LRRIQ3: variants seen among roughly 807,000 people sequenced by gnomAD.
LRRIQ3 encodes leucine-rich repeat and IQ domain-containing protein 3.
A neutral mutation model predicts 59.3 loss-of-function variants in LRRIQ3; 75 were observed. The observed-to-expected ratio is 1.26, with a 90% confidence interval of 1.05 to 1.53. The LOEUF (loss-of-function observed/expected upper bound fraction) is 1.53. Ranked by LOEUF, LRRIQ3 falls within the 40% of genes most tolerant of loss-of-function variation. The pLI is 0.00. For missense variants in LRRIQ3, 831 were observed against 710.0 expected (o/e 1.17, Z -1.94); for synonymous variants, 250 against 231.3 (o/e 1.08, Z -0.73).
chr1:74,181,561 C>A (rs1191546431), intron 3 of LRRIQ3: 1 of 151,714 alleles, frequency 6.6e-6, no homozygotes, highest in African/African-American at 2.4e-5. Flanking sequence ...TTTCATTATG[C>A]CATACTACGC....
At chr1:74,184,358 T>C (rs1650217116) in intron 1 of LRRIQ3, among the ~76,000 whole-genome samples, 1 of 152,142 alleles carries the variant, frequency 6.6e-6, no homozygotes, top group Admixed American at 6.5e-5. Context: ...CTCATATATG[T>C]GAATTTTCAC....
chr1:74,053,170 C>A (rs1654419227), intron 6 of LRRIQ3, among the ~76,000 whole-genome samples: 1 of 91,318 alleles, frequency 1.1e-5, no homozygotes. Flanking sequence ...ACCGGTCCTC[C>A]ACATGCCAAA....
At chr1:74,108,915 T>C (rs997445580) in intron 5 of LRRIQ3, 4 of 409,318 alleles carry the variant, frequency 9.8e-6, no homozygotes, top group African/African-American at 2.1e-5. Flanking sequence ...ATAAGTTACA[T>C]ACCACTTGCA....
At chr1:74,031,356 C>T (rs555837697) in intron 7 of LRRIQ3, among the ~76,000 whole-genome samples, 2 of 152,252 alleles carry the variant, frequency 1.3e-5, no homozygotes, top group South Asian at 4.1e-4. Context: ...AGACTTGGAA[C>T]TAACCCAGAT....
intron 5 of LRRIQ3, among the ~76,000 whole-genome samples, chr1:74,094,789 T>A (rs888146471): frequency 1.3e-5 from 2 of 152,068 alleles, no homozygotes; most frequent in Admixed American, 1.3e-4. Flanking sequence ...CAACCAGAAA[T>A]GATGGAATTT....
At chr1:74,043,301 G>T (rs1345982692) in intron 6 of LRRIQ3, among the ~76,000 whole-genome samples, 1 of 152,038 alleles carries the variant, frequency 6.6e-6, no homozygotes, top group African/African-American at 2.4e-5. Flanking sequence ...AAATTACCTT[G>T]TCTTTATGTG....
chr1:74,106,808 C>T (rs570290179), intron 5 of LRRIQ3, among the ~76,000 whole-genome samples: 2 of 152,070 alleles, frequency 1.3e-5, no homozygotes, highest in Non-Finnish European at 2.9e-5. Context: ...TAATAGTATA[C>T]AAGTTTTCCT....
At chr1:74,051,984 C>T (rs1035437798) in intron 6 of LRRIQ3, among the ~76,000 whole-genome samples, 2 of 152,036 alleles carry the variant, frequency 1.3e-5, no homozygotes, top group Admixed American at 6.6e-5. Context: ...GTCAAACTTT[C>T]TACAGGTTCC....
At chr1:74,193,053 C>G (rs1650869918) in intron 1 of LRRIQ3, among the ~76,000 whole-genome samples, 1 of 152,124 alleles carries the variant, frequency 6.6e-6, no homozygotes, top group South Asian at 2.1e-4. Flanking sequence ...AGCTAAAAAC[C>G]ACTACAATTG....
At chr1:74,142,081 T>C (rs771692817) in intron 4 of LRRIQ3, among the ~76,000 whole-genome samples, 1 of 151,936 alleles carries the variant, frequency 6.6e-6, no homozygotes, top group Non-Finnish European at 1.5e-5. Context: ...GTATCTTGGC[T>C]ATTGTGAATA....
At chr1:74,068,460 A>C (rs1157948964) in intron 6 of LRRIQ3, among the ~76,000 whole-genome samples, 1 of 151,688 alleles carries the variant, frequency 6.6e-6, no homozygotes, top group African/African-American at 2.4e-5. Context: ...CTGATCACAT[A>C]ATTTTTACAT....
chr1:74,036,239 G>A lies in LRRIQ3; in HGVS notation c.1718+4974C>T, dbSNP rs903168923. Among the ~76,000 whole-genome samples, 35 of 152,190 alleles carry A rather than the reference G, an allele frequency of 2.3e-4. No individual in the cohort carries two copies. The Middle Eastern group carries it at 0.014, about 59-fold the overall frequency. ...AGCAGAAAGATTGCTCTCAACTTCC[G>A]CCTCCTGTCTTTTAAACACTGTGAC... On this transcript the variant is annotated intron_variant, in intron 7 of 7. Transcript: ENST00000354431.
chr1:74,033,533 T>C (rs1264972502), intron 7 of LRRIQ3, among the ~76,000 whole-genome samples: 1 of 151,886 alleles, frequency 6.6e-6, no homozygotes, highest in East Asian at 1.9e-4. Context: ...GAGTTGAAGA[T>C]TTAAGAGGTG....
intron 6 of LRRIQ3, among the ~76,000 whole-genome samples, chr1:74,063,451 C>T (rs1190467368): frequency 1.3e-5 from 2 of 152,042 alleles, no homozygotes; most frequent in African/African-American, 4.8e-5. Flanking sequence ...GATCTTCTAC[C>T]CATTCATTGA....
intron 3 of LRRIQ3, 49 bp from the exon 4 acceptor site, chr1:74,155,915 T>C: frequency 9.7e-7 from 1 of 1,033,950 alleles, no homozygotes; most frequent in Non-Finnish European, 1.3e-6. Flanking sequence ...ATGAAAGTAT[T>C]TTCAAAAGAT....
chr1:74,126,356 T>A (rs1646935997), intron 4 of LRRIQ3, among the ~76,000 whole-genome samples: 1 of 151,886 alleles, frequency 6.6e-6, no homozygotes, highest in Non-Finnish European at 1.5e-5. Context: ...TTCATTTATT[T>A]CTGCTCTGAT....
Position 74,182,525 on chromosome 1 carries a change from A to G in LRRIQ3, c.573+13T>C, listed in dbSNP as rs781120159. ...ACATTTAATTAAAATGAAACCCTAA[A>G]GAAGCCAATTACCTTTCTCAAAGCT... On this transcript the variant is annotated intron_variant, in intron 3 of 7. Coordinates refer to ENST00000354431, the MANE Select transcript of LRRIQ3 (RefSeq NM_001105659.2). 6.8e-7 allele frequency: 1 copy of G among 1,481,318 alleles called. No individual in the cohort carries two copies. Among genetic ancestry groups the G allele is most frequent in the Admixed American group, 2.4e-5 (1 of 41,416 alleles). 91.8% of individuals were successfully genotyped at this position (1,481,318 alleles called of 1,614,324 possible).
intron 4 of LRRIQ3, among the ~76,000 whole-genome samples, chr1:74,113,235 A>T (rs1320397776): frequency 6.6e-6 from 1 of 152,078 alleles, no homozygotes; most frequent in East Asian, 1.9e-4. Context: ...TTATGCTGAA[A>T]AACAGAAATA....
At chr1:74,111,796 C>A (rs1484855312) in intron 4 of LRRIQ3, among the ~76,000 whole-genome samples, 1 of 152,038 alleles carries the variant, frequency 6.6e-6, no homozygotes, top group Non-Finnish European at 1.5e-5. Context: ...AGAAGTTCGA[C>A]CCTGAATAAG....
Sources: gnomAD v4.1 joint callset for allele counts (sites outside exome capture counted in the v4.1 genomes callset) on GRCh38, gnomAD v4.1.1 for gene constraint, MANE v1.5 for transcripts, NCBI Gene and HGNC (gene_info 2026-07-23, HGNC 2026-07-21) for gene names.